CRTAM: variants seen among roughly 807,000 people sequenced by gnomAD.
The protein encoded by CRTAM is cytotoxic and regulatory T cell molecule, also known as cytotoxic and regulatory T-cell molecule.
A neutral mutation model predicts 50.0 loss-of-function variants in CRTAM; 44 were observed. That is an observed-to-expected ratio of 0.88 (90% CI 0.69 to 1.13). CRTAM has a LOEUF of 1.13. Among genes scored for constraint, CRTAM ranks in the 50% most tolerant of loss-of-function variants. The pLI, the probability that CRTAM is intolerant of heterozygous loss-of-function variation, is 0.00. For synonymous variants in CRTAM, 159 were observed against 169.3 expected (o/e 0.94, Z 0.47); for missense variants, 448 against 457.5 (o/e 0.98, Z 0.19).
At chr11:122,854,516 T>TAC (rs55930557) in intron 4 of CRTAM, among the ~76,000 whole-genome samples, 33,310 of 151,504 alleles carry the variant, frequency 0.22, 4,229 homozygotes, top group Admixed American at 0.37. Context: ...CTACTAAAAA[T>TAC]AAAATTAGCT....
intron 8 of CRTAM, 104 bp downstream of exon 8, chr11:122,867,659 T>C (rs1862197119): frequency 8.5e-7 from 1 of 1,170,932 alleles, no homozygotes; most frequent in Non-Finnish European, 1.2e-6. Flanking sequence ...CACTACATAA[T>C]CTATTTGATA....
intron 6 of CRTAM, among the ~76,000 whole-genome samples, chr11:122,863,745 C>G (rs966024776): frequency 1.3e-5 from 2 of 152,104 alleles, no homozygotes; most frequent in Non-Finnish European, 1.5e-5. Flanking sequence ...TAATCTTTAA[C>G]GGCTTGCTAC....
chr11:122,857,970 G>T (rs1191209897), intron 5 of CRTAM, among the ~76,000 whole-genome samples: 1 of 152,182 alleles, frequency 6.6e-6, no homozygotes, highest in Non-Finnish European at 1.5e-5. Flanking sequence ...GAGTGCAGTG[G>T]TGTGATCGCG....
intron 1 of CRTAM, among the ~76,000 whole-genome samples, chr11:122,844,243 A>G (rs1205194637): frequency 1.3e-5 from 2 of 152,222 alleles, no homozygotes; most frequent in Admixed American, 6.5e-5. Context: ...AAATTATACT[A>G]TTTAATTCAT....
At chr11:122,858,390 T>C (rs550890957) in intron 5 of CRTAM, among the ~76,000 whole-genome samples, 73 of 152,210 alleles carry the variant, frequency 4.8e-4, no homozygotes, top group African/African-American at 1.6e-3. Context: ...CACGCCCTGC[T>C]AATTTTCATA....
intron 3 of CRTAM, 35 bp downstream of exon 3, chr11:122,851,880 A>T: frequency 3.1e-6 from 5 of 1,600,562 alleles, no homozygotes; most frequent in Non-Finnish European, 3.4e-6. Context: ...TAGGGGAGCA[A>T]TATGGATAGG....
chr11:122,864,496 CAT>C (rs1862141861), intron 6 of CRTAM, 138 bp from the exon 7 acceptor site: 1 of 555,350 alleles, frequency 1.8e-6, no homozygotes, highest in Non-Finnish European at 3.2e-6. Context: ...GCAAGAAATC[CAT>C]AGTTCACAAA....
chr11:122,852,790 AG>A (rs1291894318), intron 3 of CRTAM, among the ~76,000 whole-genome samples: 1 of 152,230 alleles, frequency 6.6e-6, no homozygotes, highest in East Asian at 1.9e-4. Flanking sequence ...TTAACAGTTT[AG>A]GGGCTGAAGC....
chr11:122,862,296 C>G, intron 5 of CRTAM, 168 bp from the exon 6 acceptor site: 1 of 610,706 alleles, frequency 1.6e-6, no homozygotes, highest in South Asian at 2.0e-5. Context: ...CAGTGGGATA[C>G]AGATTCAAAA....
chr11:122,871,518 G>GATGGTGTCCTCGGATA lies in CRTAM; in HGVS notation c.*123_*138dup. The GATGGTGTCCTCGGATA allele has an allele frequency of 1.3e-6, 1 of 772,626 alleles. No individual in the cohort carries two copies. Among genetic ancestry groups the GATGGTGTCCTCGGATA allele is most frequent in the Non-Finnish European group, 2.0e-6 (1 of 508,098 alleles). 47.9% of individuals were successfully genotyped at this position (772,626 alleles called of 1,614,324 possible). On this transcript the variant is annotated 3_prime_UTR_variant, in exon 10 of 10. Coordinates refer to ENST00000227348, the MANE Select transcript of CRTAM (RefSeq NM_019604.4). Reference sequence around the variant, plus strand: ...ATAATGACCTCTTAGTGCAATGCAAGATGGTGTCCTCGGATAATGATCTGC... The same window carrying GATGGTGTCCTCGGATA: ...ATAATGACCTCTTAGTGCAATGCAAGATGGTGTCCTCGGATAATGGTGTCCTCGGATAATGATCTGC...
intron 5 of CRTAM, among the ~76,000 whole-genome samples, chr11:122,856,689 A>C (rs1862011776): frequency 6.6e-6 from 1 of 152,266 alleles, no homozygotes; most frequent in Non-Finnish European, 1.5e-5. Context: ...GCTGATGCTG[A>C]AAGGCAAGCT....
intron 1 of CRTAM, among the ~76,000 whole-genome samples, chr11:122,842,762 G>C (rs192715450): frequency 1.3e-5 from 2 of 152,328 alleles, no homozygotes; most frequent in East Asian, 3.9e-4. Flanking sequence ...GGAGAAAGAA[G>C]AGTTTAGAGC....
intron 7 of CRTAM, among the ~76,000 whole-genome samples, chr11:122,865,740 G>C (rs775502128): frequency 6.6e-6 from 1 of 152,126 alleles, no homozygotes; most frequent in Non-Finnish European, 1.5e-5. Context: ...CACAAAATCA[G>C]CTTGTCCAAA....
chr11:122,871,170 T>C (rs2135259895), intron 9 of CRTAM, 99 bp from the exon 10 acceptor site: 2 of 1,139,078 alleles, frequency 1.8e-6, no homozygotes, highest in Non-Finnish European at 2.5e-6. Context: ...TAAAGCAATA[T>C]GTGAACCTAA....
At chr11:122,843,217 A>G (rs773231557) in intron 1 of CRTAM, among the ~76,000 whole-genome samples, 28 of 152,286 alleles carry the variant, frequency 1.8e-4, no homozygotes, top group Non-Finnish European at 3.4e-4. Flanking sequence ...CCATCCACTG[A>G]TAGGACAATT....
chr11:122,854,730 T>C (rs1861982639), intron 4 of CRTAM, among the ~76,000 whole-genome samples: 1 of 150,504 alleles, frequency 6.6e-6, no homozygotes, highest in Non-Finnish European at 1.5e-5. Context: ...AAATCGAAAA[T>C]ATATTTAACA....
Position 122,862,503 on chromosome 11 carries a change from ACT to A in CRTAM, c.697_698del (p.Leu233IlefsTer19). ...ACAGCTTCAGATGCTCTGGAGAGAAACTCTCTATCCTCTCAAGACCCACAGCA... is the reference window on the plus strand; with the variant it reads ...ACAGCTTCAGATGCTCTGGAGAGAAACTCTATCCTCTCAAGACCCACAGCA... On this transcript the variant is annotated frameshift_variant, in exon 6 of 10. Transcript: ENST00000227348. LOFTEE classifies it high-confidence loss of function. The A allele has an allele frequency of 6.2e-7, 1 of 1,613,286 alleles. No individual in the cohort carries two copies. Among genetic ancestry groups the A allele is most frequent in the Non-Finnish European group, 8.5e-7 (1 of 1,179,252 alleles).
intron 3 of CRTAM, among the ~76,000 whole-genome samples, chr11:122,852,549 TCTC>T (rs1411484961): frequency 2.0e-5 from 3 of 152,180 alleles, no homozygotes; most frequent in South Asian, 2.1e-4. Context: ...GTCTTAGACT[TCTC>T]CTGTTGAATT....
At chr11:122,865,993 T>C (rs1368021659) in intron 7 of CRTAM, among the ~76,000 whole-genome samples, 2 of 152,190 alleles carry the variant, frequency 1.3e-5, no homozygotes, top group Non-Finnish European at 2.9e-5. Flanking sequence ...CTTCAGTTTC[T>C]CCTCCTCTGG....
Sources: allele counts gnomAD v4.1 joint callset (sites outside exome capture counted in the v4.1 genomes callset), GRCh38; gene constraint gnomAD v4.1.1; transcripts MANE v1.5; gene names NCBI Gene and HGNC (gene_info 2026-07-23, HGNC 2026-07-21).